The following SLCO3A1 variants were observed in gnomAD, a reference collection of about 807,000 sequenced individuals.
SLCO3A1 encodes PGE1 transporter.
A neutral mutation model predicts 63.1 loss-of-function variants in SLCO3A1; 27 were observed. That is an observed-to-expected ratio of 0.43 (90% CI 0.32 to 0.59). SLCO3A1 has a LOEUF of 0.59. SLCO3A1 is among the 20% of genes least tolerant of loss of function. SLCO3A1 has a pLI of 0.09. For synonymous variants in SLCO3A1, 473 were observed against 409.9 expected, an observed-to-expected ratio of 1.15 and a Z score of -1.86; for missense variants, 773 against 945.8, an observed-to-expected ratio of 0.82 and a Z score of 2.40.
At chr15:92,124,342 C>T (rs1306070359) in intron 5 of SLCO3A1, among the ~76,000 whole-genome samples, 1 of 152,136 alleles carries the variant, frequency 6.6e-6, no homozygotes, top group Non-Finnish European at 1.5e-5. Flanking sequence ...GGGAGGGGGC[C>T]TGACAATGGC....
intron 2 of SLCO3A1, among the ~76,000 whole-genome samples, chr15:91,978,179 A>G (rs1281734897): frequency 1.3e-5 from 2 of 152,254 alleles, no homozygotes; most frequent in Non-Finnish European, 2.9e-5. Flanking sequence ...GACCAAAGAC[A>G]GAACTTCAGT....
intron 1 of SLCO3A1, among the ~76,000 whole-genome samples, chr15:91,906,547 A>T (rs1898314432): frequency 6.6e-6 from 1 of 152,256 alleles, no homozygotes; most frequent in Non-Finnish European, 1.5e-5. Flanking sequence ...AGTTCTGCAT[A>T]TAGCAGCGTG....
At chr15:91,884,840 T>C (rs917041446) in intron 1 of SLCO3A1, among the ~76,000 whole-genome samples, 1 of 152,116 alleles carries the variant, frequency 6.6e-6, no homozygotes, top group African/African-American at 2.4e-5. Flanking sequence ...CATATTTTCA[T>C]ATATTATCTC....
At chr15:91,907,890 A>G (rs1898360918) in intron 1 of SLCO3A1, among the ~76,000 whole-genome samples, 2 of 152,154 alleles carry the variant, frequency 1.3e-5, no homozygotes, top group Admixed American at 6.5e-5. Context: ...ATCAGAGAGA[A>G]CGATAGTGCC....
At position 91,856,263 on chromosome 15, in the gene SLCO3A1, C is replaced by T. The variant is rs1489684442; in HGVS notation, c.180+2175C>T. Among the ~76,000 whole-genome samples the T allele has an allele frequency of 1.3e-5, 2 of 152,122 alleles. No homozygotes were observed. The highest frequency in any genetic ancestry group is 1.3e-4 in the Admixed American group (2 of 15,266). The stretch of plus-strand genomic sequence containing the variant: ...TCAACAGGTGACTTGCAGAAAGCAG[C>T]TGGAGGCCCAGGAGAGGACAGGCCT... On this transcript the variant is annotated intron_variant, in intron 1 of 9. Coordinates refer to ENST00000318445, the MANE Select transcript of SLCO3A1 (RefSeq NM_013272.4). The surrounding 1 kb of genome is among the most constrained non-coding windows in gnomAD (Gnocchi z 4.9).
chr15:92,166,668 G>A (rs1258431515), downstream of SLCO3A1, among the ~76,000 whole-genome samples: 1 of 152,140 alleles, frequency 6.6e-6, no homozygotes, highest in Non-Finnish European at 1.5e-5. Flanking sequence ...CCACTCTTGA[G>A]GAATTTTCCC....
chr15:91,963,529 C>T (rs181895159), intron 2 of SLCO3A1, among the ~76,000 whole-genome samples: 10 of 152,172 alleles, frequency 6.6e-5, no homozygotes, highest in South Asian at 2.1e-4. Flanking sequence ...TGGATCACAC[C>T]GTGGGATTTT....
chr15:91,942,393 T>A lies in SLCO3A1; in HGVS notation c.646+25935T>A, dbSNP rs1899653336. Among the ~76,000 whole-genome samples the A allele has an allele frequency of 6.6e-6, 1 of 152,166 alleles. No homozygotes were observed. The highest frequency in any genetic ancestry group is 2.4e-5 in the African/African-American group (1 of 41,452). ...TTTGTTTTATGTATATTCCTATAGC[T>A]GTGCAGGTAAAACATGCCATTTAGC... is the stretch of plus-strand genomic sequence containing the variant. On this transcript the variant is annotated intron_variant, in intron 2 of 9. Transcript: ENST00000318445. The surrounding 1 kb of genome is among the most constrained non-coding windows in gnomAD (Gnocchi z 4.1).
At chr15:92,170,557 CACT>C (rs2048515781), downstream of SLCO3A1, among the ~76,000 whole-genome samples, 1 of 152,154 alleles carries the variant, frequency 6.6e-6, no homozygotes, top group Non-Finnish European at 1.5e-5. Flanking sequence ...GTGCTCTTTC[CACT>C]ACAACACAAA....
rs1356332259 is a variant in SLCO3A1, at chr15:92,163,140, T to C, written c.*5T>C. On this transcript the variant is annotated 3_prime_UTR_variant, in exon 10 of 10. Transcript: ENST00000318445. ...AACATGGAGTCCGTTTTATAGTGACTAAAGGAGGGCTGAACTCTGTATTAG... is the reference window on the plus strand; with the variant it reads ...AACATGGAGTCCGTTTTATAGTGACCAAAGGAGGGCTGAACTCTGTATTAG... 2 of 1,506,130 alleles carry C rather than the reference T, an allele frequency of 1.3e-6. No individual in the cohort carries two copies. Among genetic ancestry groups the C allele is most frequent in the African/African-American group, 1.4e-5 (1 of 71,286 alleles). The allele number at this position is 1,506,130 out of a possible 1,614,324, so 93.3% of individuals were successfully genotyped here.
At chr15:92,172,379 T>C (rs2048526441) in exon 11 of SLCO3A1, 1 of 153,204 alleles carries the variant, frequency 6.5e-6, no homozygotes, top group Non-Finnish European at 1.5e-5. Flanking sequence ...ATATGTGATG[T>C]AAAGTACATA....
chr15:91,971,019 A>G (rs1360653112), intron 2 of SLCO3A1, among the ~76,000 whole-genome samples: 2 of 152,160 alleles, frequency 1.3e-5, no homozygotes, highest in Non-Finnish European at 2.9e-5. Context: ...CCCCAAATCA[A>G]TACTCACGGC....
chr15:92,160,140 A>G (rs983137932), intron 9 of SLCO3A1, among the ~76,000 whole-genome samples: 1 of 152,050 alleles, frequency 6.6e-6, no homozygotes, highest in African/African-American at 2.4e-5. Context: ...ACAAGGAGGG[A>G]GGAGCATTTG....
chr15:92,022,753 A>G (rs955875792), intron 2 of SLCO3A1, among the ~76,000 whole-genome samples: 17 of 152,200 alleles, frequency 1.1e-4, no homozygotes, highest in African/African-American at 3.9e-4. Context: ...GACTAACTGC[A>G]TGGTTGGTTA....
At chr15:91,909,707 T>A (rs1313474350) in intron 1 of SLCO3A1, among the ~76,000 whole-genome samples, 1 of 152,208 alleles carries the variant, frequency 6.6e-6, no homozygotes, top group Non-Finnish European at 1.5e-5. Flanking sequence ...CCCAGCCTCA[T>A]AGAGCATCCT....
At chr15:92,048,580 C>T (rs1457463907) in intron 2 of SLCO3A1, among the ~76,000 whole-genome samples, 1 of 152,100 alleles carries the variant, frequency 6.6e-6, no homozygotes, top group Non-Finnish European at 1.5e-5. Context: ...ATGTAACCAC[C>T]AAAAATGTCT....
chr15:92,002,267 G>A (rs1214480566), intron 2 of SLCO3A1, among the ~76,000 whole-genome samples: 1 of 152,110 alleles, frequency 6.6e-6, no homozygotes, highest in African/African-American at 2.4e-5. Flanking sequence ...AAGCAGCCAG[G>A]GCCCTGTTCC....
chr15:91,857,102 C>CTG (rs1207877760), intron 1 of SLCO3A1, among the ~76,000 whole-genome samples: 5 of 126,522 alleles, frequency 4.0e-5, no homozygotes, highest in East Asian at 2.4e-4. Flanking sequence ...GTGTGTGTGT[C>CTG]TGTGTGTGTG....
chr15:92,169,677 G>A (rs1332878037), downstream of SLCO3A1, among the ~76,000 whole-genome samples: 1 of 152,230 alleles, frequency 6.6e-6, no homozygotes, highest in Non-Finnish European at 1.5e-5. Context: ...AAAGACCCCA[G>A]ATACCTGCCA....
Sources: gnomAD v4.1 joint callset for allele counts (sites outside exome capture counted in the v4.1 genomes callset) on GRCh38, gnomAD v4.1.1 for gene constraint, Gnocchi (gnomAD v3.1) non-coding constraint, MANE v1.5 for transcripts, NCBI Gene and HGNC (gene_info 2026-07-23, HGNC 2026-07-21) for gene names.